ANKRD12: variants seen among roughly 807,000 people sequenced by gnomAD.
ANKRD12 encodes ankyrin repeat domain 12.
Under a neutral mutation model 183.4 loss-of-function variants are expected in ANKRD12, and 85 were observed. The observed-to-expected ratio is 0.46, with a 90% CI of 0.39 to 0.56. ANKRD12 has a LOEUF of 0.56. ANKRD12 is among the 20% of genes least tolerant of loss of function. The probability of loss-of-function intolerance (pLI) is 0.00; values close to 1 mark genes in which losing one functional copy is unlikely to be tolerated. For synonymous variants in ANKRD12, 914 were observed against 800.2 expected (o/e 1.14, Z -2.40); for missense variants, 2,405 against 2,357.1 (o/e 1.02, Z -0.42).
intron 1 of ANKRD12, among the ~76,000 whole-genome samples, chr18:9,161,973 C>T (rs1020396107): frequency 3.3e-5 from 5 of 152,062 alleles, no homozygotes; most frequent in Non-Finnish European, 7.4e-5. Flanking sequence ...AGCCATCCTC[C>T]TGCTCTAGCC....
chr18:9,194,613 T>C (rs1441811063), intron 2 of ANKRD12, among the ~76,000 whole-genome samples: 1 of 152,124 alleles, frequency 6.6e-6, no homozygotes, highest in Non-Finnish European at 1.5e-5. Context: ...TGCTGTGGCC[T>C]CCCACAGTGC....
At chr18:9,277,207 C>T (rs1192781784) in intron 11 of ANKRD12, among the ~76,000 whole-genome samples, 1 of 152,070 alleles carries the variant, frequency 6.6e-6, no homozygotes, top group African/African-American at 2.4e-5. Context: ...GTAGCCCCAG[C>T]TACCCCAGGT....
In ANKRD12 at chr18:9,257,056, G is replaced by A. The variant is rs368207341; in HGVS notation, c.3789G>A (p.Leu1263=). The change falls in exon 9 of 13, where the codon TTG becomes TTA. Residue 1263 remains leucine (L), a synonymous_variant. Coordinates refer to ENST00000262126, the MANE Select transcript of ANKRD12 (RefSeq NM_015208.5). The part of the protein sequence containing the change: ...AKSPALHERE[L]DSLADLPERI... ...CTCCTGCTCTTCATGAAAGGGAATT[G>A]GACAGCCTGGCTGACTTGCCGGAGC... The A allele has an allele frequency of 3.1e-6, 5 of 1,614,074 alleles. No individual in the cohort carries two copies. Among genetic ancestry groups the A allele is most frequent in the African/African-American group, 1.3e-5 (1 of 75,022 alleles).
intron 8 of ANKRD12, among the ~76,000 whole-genome samples, chr18:9,229,768 C>T (rs1464428971): frequency 1.3e-5 from 2 of 151,994 alleles, no homozygotes; most frequent in East Asian, 1.9e-4. Context: ...TGATGTATGA[C>T]GTTTATTGAC....
intron 7 of ANKRD12, among the ~76,000 whole-genome samples, chr18:9,220,884 G>A (rs2036384779): frequency 6.6e-6 from 1 of 152,160 alleles, no homozygotes; most frequent in South Asian, 2.1e-4. Context: ...GATCTTTTCA[G>A]GTCTTAAAAG....
rs1046483 is a variant in ANKRD12, at chr18:9,281,569, T to C, written c.*443T>C. Reference sequence around the variant, plus strand: ...GTGGGAGAAAAACTTGGCACAAAATTTCTTCAGTTTATTATCTGTAAATTG... The same window carrying C: ...GTGGGAGAAAAACTTGGCACAAAATCTCTTCAGTTTATTATCTGTAAATTG... On this transcript the variant is annotated 3_prime_UTR_variant, in exon 13 of 13. Transcript: ENST00000262126. 0.074 allele frequency: 11,266 copies of C among 152,840 alleles called. 424 individuals carry two copies. The highest frequency in any genetic ancestry group is 0.083 in the African/African-American group (3,450 of 41,544). The allele number at this position is 152,840 out of a possible 1,614,324, so 9.5% of individuals were successfully genotyped here.
At chr18:9,149,036 T>C (rs1448729511) in intron 1 of ANKRD12, among the ~76,000 whole-genome samples, 2 of 152,174 alleles carry the variant, frequency 1.3e-5, no homozygotes, top group Non-Finnish European at 2.9e-5. Flanking sequence ...CATCTATATC[T>C]ACCTGCCTCA....
intron 9 of ANKRD12, among the ~76,000 whole-genome samples, chr18:9,260,967 T>C (rs1034896929): frequency 6.6e-6 from 1 of 152,130 alleles, no homozygotes; most frequent in Non-Finnish European, 1.5e-5. Flanking sequence ...CCTTTCCTGT[T>C]CCCTCCTGTG....
chr18:9,164,534 T>C lies in ANKRD12; in HGVS notation c.-51-17848T>C, dbSNP rs2031823451. Among the ~76,000 whole-genome samples the C allele has an allele frequency of 2.6e-5, 4 of 152,190 alleles. No individual in the cohort carries two copies. The South Asian group carries it at 8.3e-4, about 31-fold the overall frequency. ...TCTTCCTAGCTTTTTGATGTGGGCA[T>C]TTAGTGCTATAGATTTCCTTCTTAA... On this transcript the variant is annotated intron_variant, in intron 1 of 12. Coordinates refer to ENST00000262126, the MANE Select transcript of ANKRD12 (RefSeq NM_015208.5).
At chr18:9,261,267 A>G (rs2038949874) in intron 9 of ANKRD12, among the ~76,000 whole-genome samples, 1 of 152,188 alleles carries the variant, frequency 6.6e-6, no homozygotes, top group Non-Finnish European at 1.5e-5. Context: ...ATGTTATTTA[A>G]ATGCCTCCTG....
At chr18:9,265,094 G>A (rs1249105846) in intron 10 of ANKRD12, among the ~76,000 whole-genome samples, 1 of 152,244 alleles carries the variant, frequency 6.6e-6, no homozygotes, top group Non-Finnish European at 1.5e-5. Context: ...ACCCGCCATT[G>A]CCTAGGCTTG....
intron 1 of ANKRD12, among the ~76,000 whole-genome samples, chr18:9,177,241 A>G (rs1009381524): frequency 2.0e-5 from 3 of 151,852 alleles, no homozygotes; most frequent in Non-Finnish European, 4.4e-5. Flanking sequence ...AATGTGAAGG[A>G]CTCTTCTTAG....
At position 9,254,722 on chromosome 18, in the gene ANKRD12, C is replaced by A; in HGVS notation, c.1455C>A (p.Asn485Lys). 2 of 1,500,082 alleles carry A rather than the reference C, an allele frequency of 1.3e-6. No individual in the cohort carries two copies. Among genetic ancestry groups the A allele is most frequent in the Non-Finnish European group, 1.8e-6 (2 of 1,126,572 alleles). The allele number at this position is 1,500,082 out of a possible 1,614,324, so 92.9% of individuals were successfully genotyped here. A position where few individuals can be genotyped will look rare whatever the true frequency, so the allele number is the denominator to read the frequency against. ...AAAATCAGAATAAAAATAAAGAGAA[C>A]CAAGAGCTAAAGCAAGAAAAGGAAG... ...KLKNQNKNKE[N>K]QELKQEKEGK... The change falls in exon 9 of 13, where the codon AAC becomes AAA. Residue 485 changes from asparagine (N) to lysine (K), a missense_variant. By Grantham distance (94) the Asn-to-Lys change is moderately conservative. Coordinates refer to ENST00000262126, the MANE Select transcript of ANKRD12 (RefSeq NM_015208.5).
At position 9,258,583 on chromosome 18, in the gene ANKRD12, A is replaced by G. The variant is rs1242217011; in HGVS notation, c.5316A>G (p.Arg1772=). The G allele has an allele frequency of 6.2e-7, 1 of 1,613,908 alleles. No individual in the cohort carries two copies. Among genetic ancestry groups the G allele is most frequent in the Non-Finnish European group, 8.5e-7 (1 of 1,179,922 alleles). The change falls in exon 9 of 13, where the codon AGA becomes AGG. Residue 1772 remains arginine, a synonymous_variant. Coordinates refer to ENST00000262126, the MANE Select transcript of ANKRD12 (RefSeq NM_015208.5). ...CCTCATCTCCTAGAGGAAGAATAAGATTAACTGAAGATGACGATCCTCAAA... is the reference window on the plus strand; with the variant it reads ...CCTCATCTCCTAGAGGAAGAATAAGGTTAACTGAAGATGACGATCCTCAAA... ...SESSSPRGRI[R]LTEDDDPQIH... is the part of the protein sequence containing the mutation.
intron 5 of ANKRD12, among the ~76,000 whole-genome samples, chr18:9,209,751 C>G (rs570709290): frequency 1.6e-4 from 25 of 152,222 alleles, no homozygotes; most frequent in African/African-American, 5.8e-4. Flanking sequence ...TTGACTGTTT[C>G]TGTAAAATTT....
At chr18:9,234,675 C>T (rs987472512) in intron 8 of ANKRD12, among the ~76,000 whole-genome samples, 21 of 152,070 alleles carry the variant, frequency 1.4e-4, no homozygotes, top group Non-Finnish European at 2.8e-4. Flanking sequence ...ATGAAGTCTC[C>T]TGACAGCTGG....
At chr18:9,196,962 C>T (rs976682896) in intron 3 of ANKRD12, among the ~76,000 whole-genome samples, 1 of 152,008 alleles carries the variant, frequency 6.6e-6, no homozygotes, top group Non-Finnish European at 1.5e-5. Context: ...GAACTCTTCT[C>T]GCATATTGTT....
chr18:9,168,596 T>C (rs188582668), intron 1 of ANKRD12, among the ~76,000 whole-genome samples: 2,229 of 152,318 alleles, frequency 0.015, 57 homozygotes, highest in African/African-American at 0.052. Context: ...TGCGTCTATT[T>C]GATTCTTTTC....
At chr18:9,244,204 T>C (rs191096028) in intron 8 of ANKRD12, among the ~76,000 whole-genome samples, 81 of 152,330 alleles carry the variant, frequency 5.3e-4, no homozygotes, top group Admixed American at 5.3e-3. Flanking sequence ...GGGAATTATT[T>C]TAAACCTAGA....
Sources: allele counts gnomAD v4.1 joint callset (sites outside exome capture counted in the v4.1 genomes callset), GRCh38; gene constraint gnomAD v4.1.1; transcripts MANE v1.5; gene names NCBI Gene and HGNC (gene_info 2026-07-23, HGNC 2026-07-21).